The following ROBO1 variants were observed in gnomAD, a reference collection of about 807,000 sequenced individuals.
ROBO1 encodes roundabout homolog 1.
ROBO1 carries 149 observed loss-of-function variants against 195.9 expected under a neutral mutation model. The observed-to-expected ratio is 0.76, with a 90% confidence interval of 0.67 to 0.87. The LOEUF is 0.87. Among genes scored for constraint, ROBO1 ranks in the 40% least tolerant of loss-of-function variants. ROBO1 has a pLI of 0.00. For missense variants in ROBO1, 1,933 were observed against 2,068.3 expected, an observed-to-expected ratio of 0.93 and a Z score of 1.27; for synonymous variants, 816 against 733.2, an observed-to-expected ratio of 1.11 and a Z score of -1.82.
chr3:79,533,067 T>C (rs777872507), intron 2 of ROBO1: 1 of 439,002 alleles, frequency 2.3e-6, no homozygotes, highest in South Asian at 1.6e-5. Flanking sequence ...ACGAATTTTA[T>C]TGTATTACAG....
chr3:79,459,282 TATC>T (rs2039722061), intron 2 of ROBO1, among the ~76,000 whole-genome samples: 1 of 152,162 alleles, frequency 6.6e-6, no homozygotes, highest in African/African-American at 2.4e-5. Flanking sequence ...AATTGATAGG[TATC>T]ATGCTTTGAC....
rs1321478839 is a variant in ROBO1, at chr3:78,597,922, TAA to T, written c.*989_*990del. ...GTTAATAGTTACAATGGTTTACAAA[TAA>T]AGTTTAGTGATTGTGCTTTTAAAAC... is the stretch of plus-strand genomic sequence containing the variant. On this transcript the variant is annotated 3_prime_UTR_variant, in exon 31 of 31. Coordinates refer to ENST00000464233, the MANE Select transcript of ROBO1 (RefSeq NM_002941.4). 3.2e-5 allele frequency: 3 copies of T among 93,060 alleles called. No individual in the cohort carries two copies. The highest frequency in any genetic ancestry group is 8.6e-5 in the African/African-American group (2 of 23,248). 5.8% of individuals were successfully genotyped at this position (93,060 alleles called of 1,614,324 possible).
At chr3:79,184,295 A>T (rs2081397520) in intron 2 of ROBO1, among the ~76,000 whole-genome samples, 1 of 152,190 alleles carries the variant, frequency 6.6e-6, no homozygotes. Flanking sequence ...TTTTAAAAAG[A>T]CAATAATCCT....
intron 4 of ROBO1, among the ~76,000 whole-genome samples, chr3:78,811,336 G>A (rs2084732959): frequency 6.6e-6 from 1 of 152,280 alleles, no homozygotes; most frequent in East Asian, 1.9e-4. Flanking sequence ...AGGCAAGAAA[G>A]TTTTAAAGCC....
chr3:79,043,840 T>C (rs1188324133), intron 3 of ROBO1, among the ~76,000 whole-genome samples: 2 of 152,138 alleles, frequency 1.3e-5, no homozygotes, highest in Non-Finnish European at 2.9e-5. Context: ...CAAGATTTGC[T>C]CTCTATGTCT....
intron 2 of ROBO1, among the ~76,000 whole-genome samples, chr3:79,284,050 G>A (rs1047356431): frequency 6.6e-5 from 10 of 151,582 alleles, no homozygotes; most frequent in Admixed American, 6.6e-4. Flanking sequence ...GGTCGCTGGT[G>A]GATTTTTCTC....
At chr3:78,677,845 C>G (rs1442045602) in intron 10 of ROBO1, among the ~76,000 whole-genome samples, 3 of 151,320 alleles carry the variant, frequency 2.0e-5, no homozygotes, top group East Asian at 2.0e-4. Flanking sequence ...CTACAGAACT[C>G]TCCACCCCAA....
intron 1 of ROBO1, among the ~76,000 whole-genome samples, chr3:79,654,510 A>G (rs181496275): frequency 6.6e-6 from 1 of 152,182 alleles, no homozygotes; most frequent in Non-Finnish European, 1.5e-5. Context: ...CCGTAAAACA[A>G]CCATAATAAA....
intron 4 of ROBO1, among the ~76,000 whole-genome samples, chr3:78,796,583 T>TACTTCCCCTA (rs1435263691): frequency 6.6e-6 from 1 of 151,616 alleles, no homozygotes; most frequent in African/African-American, 2.4e-5. Context: ...CCTCTACTAC[T>TACTTCCCCTA]ACTTCCCCTA....
At chr3:79,022,225 C>T (rs1244607128) in intron 3 of ROBO1, among the ~76,000 whole-genome samples, 1 of 152,186 alleles carries the variant, frequency 6.6e-6, no homozygotes, top group Non-Finnish European at 1.5e-5. Context: ...ACTTCCTTTT[C>T]CTCACTCGTG....
chr3:79,284,490 C>CA (rs1422305934), intron 2 of ROBO1, among the ~76,000 whole-genome samples: 1 of 151,870 alleles, frequency 6.6e-6, no homozygotes, highest in African/African-American at 2.4e-5. Flanking sequence ...AATTAAAAAA[C>CA]AAAAAACAAA....
At chr3:79,388,683 T>C (rs539450964) in intron 2 of ROBO1, among the ~76,000 whole-genome samples, 26 of 152,202 alleles carry the variant, frequency 1.7e-4, no homozygotes, top group African/African-American at 6.3e-4. Flanking sequence ...TAAATAAAAC[T>C]AGGCACCTAG....
intron 2 of ROBO1, among the ~76,000 whole-genome samples, chr3:79,475,820 A>G (rs1212312730): frequency 6.6e-6 from 1 of 152,076 alleles, no homozygotes; most frequent in Non-Finnish European, 1.5e-5. Flanking sequence ...ACAAAACAGT[A>G]AGGTATCATT....
intron 2 of ROBO1, among the ~76,000 whole-genome samples, chr3:79,213,425 A>G (rs1415426257): frequency 6.6e-6 from 1 of 152,182 alleles, no homozygotes; most frequent in Non-Finnish European, 1.5e-5. Context: ...TCATGATCCA[A>G]TGTTCACAAT....
chr3:79,250,678 A>T (rs1312258891), intron 2 of ROBO1, among the ~76,000 whole-genome samples: 1 of 152,208 alleles, frequency 6.6e-6, no homozygotes, highest in Non-Finnish European at 1.5e-5. Flanking sequence ...TAAAATAACC[A>T]GAATAATAAA....
intron 2 of ROBO1, among the ~76,000 whole-genome samples, chr3:79,398,620 T>C (rs2037240284): frequency 6.6e-6 from 1 of 152,122 alleles, no homozygotes; most frequent in South Asian, 2.1e-4. Flanking sequence ...TTTGCCTACA[T>C]GAATTCTCAG....
chr3:79,679,197 T>C (rs1946871544), intron 1 of ROBO1, among the ~76,000 whole-genome samples: 1 of 152,030 alleles, frequency 6.6e-6, no homozygotes, highest in African/African-American at 2.4e-5. Flanking sequence ...TTGAATGCTT[T>C]TTATTTCATA....
intron 1 of ROBO1, among the ~76,000 whole-genome samples, chr3:79,609,050 G>GAC (rs1944576573): frequency 6.6e-6 from 1 of 151,816 alleles, no homozygotes; most frequent in Admixed American, 6.6e-5. Flanking sequence ...GCCATGTAAG[G>GAC]ACACAGCAAG....
At chr3:79,385,553 A>G (rs2036712559) in intron 2 of ROBO1, among the ~76,000 whole-genome samples, 1 of 152,140 alleles carries the variant, frequency 6.6e-6, no homozygotes, top group Non-Finnish European at 1.5e-5. Context: ...AGGCGACATA[A>G]AGCTTGCTGG....
Sources: gnomAD v4.1 joint callset for allele counts (sites outside exome capture counted in the v4.1 genomes callset) on GRCh38, gnomAD v4.1.1 for gene constraint, MANE v1.5 for transcripts, NCBI Gene and HGNC (gene_info 2026-07-23, HGNC 2026-07-21) for gene names.